The following CLSTN2 variants were observed in gnomAD, a reference collection of about 807,000 sequenced individuals.
CLSTN2 encodes the protein calsyntenin-2.
In CLSTN2, 48 loss-of-function variants were observed where a neutral mutation model predicts 101.2. That is an observed-to-expected ratio of 0.47 (90% CI 0.38 to 0.60). The LOEUF is 0.60. Among genes scored for constraint, CLSTN2 ranks in the 20% least tolerant of loss-of-function variants. The pLI is 0.00. For missense variants in CLSTN2, 1,160 were observed against 1,238.2 expected (o/e 0.94, Z 0.95); for synonymous variants, 481 against 463.6 (o/e 1.04, Z -0.48).
intron 2 of CLSTN2, among the ~76,000 whole-genome samples, chr3:140,262,465 A>G (rs1255280932): frequency 2.1e-5 from 3 of 141,100 alleles, no homozygotes; most frequent in Non-Finnish European, 3.0e-5. Flanking sequence ...TCGAAATGAA[A>G]TTATTTTTTA....
intron 1 of CLSTN2, among the ~76,000 whole-genome samples, chr3:140,053,659 C>CCT (rs911440899): frequency 7.2e-5 from 11 of 152,302 alleles, no homozygotes; most frequent in Middle Eastern, 3.4e-3. Flanking sequence ...TCATCTCCCT[C>CCT]CTCTCTCTCT....
rs562564467 is a variant in CLSTN2 at position 140,320,753 on chromosome 3, C to G, written c.233-82876C>G. On this transcript the variant is annotated intron_variant, in intron 2 of 16. Coordinates refer to ENST00000458420, the MANE Select transcript of CLSTN2 (RefSeq NM_022131.3). ...AACAAGTTCATTGTTAGCTGGAGCC[C>G]TGAACCATGTCAAAAGCAGGAAAAG... Among the ~76,000 whole-genome samples the G allele has an allele frequency of 1.4e-3, 217 of 152,196 alleles. 1 individual carries two copies. Among genetic ancestry groups the G allele is most frequent in the South Asian group, 3.7e-3 (18 of 4,804 alleles).
At position 140,241,812 on chromosome 3, in the gene CLSTN2, CAT is replaced by C. The variant is rs1322910860; in HGVS notation, c.232+65751_232+65752del. 1.5e-3 allele frequency among the ~76,000 whole-genome samples: 203 copies of C among 137,660 alleles called. 1 individual carries two copies. The highest frequency in any genetic ancestry group is 4.6e-3 in the African/African-American group (171 of 36,864). 90.3% of individuals were successfully genotyped at this position (137,660 alleles called of 152,430 possible). A position where few individuals can be genotyped will look rare whatever the true frequency, so the allele number is the denominator to read the frequency against. ...CGAGATATATATATATATATATACA[CAT>C]ATATATATATACACACACATATATA... On this transcript the variant is annotated intron_variant, in intron 2 of 16. Transcript: ENST00000458420.
At chr3:139,943,765 C>T (rs1935173361) in intron 1 of CLSTN2, among the ~76,000 whole-genome samples, 1 of 152,206 alleles carries the variant, frequency 6.6e-6, no homozygotes, top group Non-Finnish European at 1.5e-5. Context: ...ACAAAAGCCA[C>T]CCACCTCCAA....
intron 1 of CLSTN2, among the ~76,000 whole-genome samples, chr3:140,000,810 A>G (rs971754459): frequency 7.9e-5 from 12 of 152,156 alleles, no homozygotes; most frequent in African/African-American, 2.7e-4. Context: ...ATCCTATGTC[A>G]TCTCTACTGT....
intron 2 of CLSTN2, among the ~76,000 whole-genome samples, chr3:140,342,774 T>C (rs576367003): frequency 6.6e-6 from 1 of 151,700 alleles, no homozygotes; most frequent in East Asian, 2.0e-4. Context: ...GGCCCAGGAG[T>C]TGATACTGGC....
intron 7 of CLSTN2, among the ~76,000 whole-genome samples, chr3:140,463,947 G>C (rs779115861): frequency 2.6e-5 from 4 of 152,126 alleles, no homozygotes; most frequent in African/African-American, 7.2e-5. Context: ...AGCATCTTTC[G>C]CATGAGGAAT....
intron 1 of CLSTN2, among the ~76,000 whole-genome samples, chr3:139,954,706 C>T (rs574649835): frequency 6.6e-6 from 1 of 152,268 alleles, no homozygotes; most frequent in East Asian, 1.9e-4. Flanking sequence ...AAAGCACTTA[C>T]CTCTGTCTTC....
intron 2 of CLSTN2, among the ~76,000 whole-genome samples, chr3:140,228,855 C>T (rs993851500): frequency 6.6e-6 from 1 of 152,156 alleles, no homozygotes; most frequent in African/African-American, 2.4e-5. Context: ...AAGACCCGCC[C>T]CCATAATTCA....
intron 2 of CLSTN2, among the ~76,000 whole-genome samples, chr3:140,270,588 C>T (rs971287214): frequency 1.3e-5 from 2 of 152,138 alleles, no homozygotes; most frequent in African/African-American, 4.8e-5. Context: ...AACATGAATC[C>T]TCTATATGAG....
At chr3:140,450,464 T>C (rs564158412) in intron 6 of CLSTN2, among the ~76,000 whole-genome samples, 1 of 152,282 alleles carries the variant, frequency 6.6e-6, no homozygotes, top group Non-Finnish European at 1.5e-5. Context: ...TCACTCCTAC[T>C]CCTGCACATA....
chr3:140,503,738 A>G (rs1210318469), intron 8 of CLSTN2, among the ~76,000 whole-genome samples: 3 of 152,232 alleles, frequency 2.0e-5, no homozygotes, highest in African/African-American at 7.2e-5. Context: ...CTTAAAAGGA[A>G]CAAAATTATT....
chr3:139,963,784 A>G (rs942568827), intron 1 of CLSTN2, among the ~76,000 whole-genome samples: 3 of 152,168 alleles, frequency 2.0e-5, no homozygotes, highest in Non-Finnish European at 2.9e-5. Context: ...AATGGGCTGT[A>G]GTTTGTGCAG....
At chr3:140,257,133 A>G (rs62267961) in intron 2 of CLSTN2, among the ~76,000 whole-genome samples, 1,616 of 152,354 alleles carry the variant, frequency 0.011, 14 homozygotes, top group Non-Finnish European at 0.016. Context: ...AGGGATATTA[A>G]GGATCACCTT....
chr3:140,143,965 G>A (rs993871172), intron 1 of CLSTN2, among the ~76,000 whole-genome samples: 8 of 152,200 alleles, frequency 5.3e-5, no homozygotes, highest in African/African-American at 1.9e-4. Flanking sequence ...CTTAATAGAT[G>A]TCTTTTGGAG....
chr3:140,156,794 A>G (rs2009961336), intron 1 of CLSTN2, among the ~76,000 whole-genome samples: 2 of 151,994 alleles, frequency 1.3e-5, no homozygotes, highest in South Asian at 4.2e-4. Flanking sequence ...TCTCCCCTCC[A>G]CTGGGGTTAT....
At chr3:140,007,263 G>T (rs2006976799) in intron 1 of CLSTN2, among the ~76,000 whole-genome samples, 1 of 152,236 alleles carries the variant, frequency 6.6e-6, no homozygotes, top group Non-Finnish European at 1.5e-5. Flanking sequence ...TCCAGAAGCA[G>T]ACAGATCTGA....
intron 8 of CLSTN2, among the ~76,000 whole-genome samples, chr3:140,490,789 G>T (rs1312149604): frequency 6.6e-6 from 1 of 152,042 alleles, no homozygotes; most frequent in African/African-American, 2.4e-5. Context: ...CCTCACAAAG[G>T]TCTCGCAGCC....
chr3:139,958,377 C>A (rs755463188), intron 1 of CLSTN2, among the ~76,000 whole-genome samples: 6 of 152,148 alleles, frequency 3.9e-5, no homozygotes, highest in Non-Finnish European at 8.8e-5. Flanking sequence ...TGTGCTCATT[C>A]ATTTTTAGCT....
Sources: allele counts gnomAD v4.1 joint callset (sites outside exome capture counted in the v4.1 genomes callset), GRCh38; gene constraint gnomAD v4.1.1; transcripts MANE v1.5; gene names NCBI Gene and HGNC (gene_info 2026-07-23, HGNC 2026-07-21).